Variants in PPM1B observed in about 807,000 individuals in gnomAD.
PPM1B encodes the protein protein phosphatase, Mg2+/Mn2+ dependent 1B.
PPM1B carries 22 observed loss-of-function variants against 43.0 expected under a neutral mutation model. The ratio of observed to expected loss-of-function variants is 0.51; its 90% confidence interval spans 0.37 to 0.73. The LOEUF is 0.73. PPM1B is among the 30% of genes least tolerant of loss of function. The pLI, the probability that PPM1B is intolerant of heterozygous loss-of-function variation, is 0.00. For missense variants in PPM1B, 632 were observed against 584.2 expected (o/e 1.08, Z -0.84); for synonymous variants, 217 against 197.9 (o/e 1.10, Z -0.81).
intron 1 of PPM1B, among the ~76,000 whole-genome samples, chr2:44,188,531 G>A (rs1431743764): frequency 6.6e-6 from 1 of 151,644 alleles, no homozygotes; most frequent in Admixed American, 6.6e-5. Context: ...GAATTGGCTG[G>A]GATCACAGGC....
chr2:44,230,083 T>A (rs143036937), intron 5 of PPM1B: 17 of 1,525,218 alleles, frequency 1.1e-5, no homozygotes, highest in Non-Finnish European at 1.3e-5. Context: ...CTAAATCATA[T>A]AGCCAAATAT....
downstream of PPM1B, among the ~76,000 whole-genome samples, chr2:44,238,466 C>A (rs1358457692): frequency 6.6e-6 from 1 of 152,042 alleles, no homozygotes; most frequent in Admixed American, 6.6e-5. Flanking sequence ...GTTTGGGAGG[C>A]CGAGGTGGGT....
At chr2:44,234,740 T>C (rs1365151210), downstream of PPM1B, 1 of 308,716 alleles carries the variant, frequency 3.2e-6, no homozygotes, top group Non-Finnish European at 4.7e-6. Flanking sequence ...CTTTTGTGGA[T>C]ACTATCGATA....
At chr2:44,232,983 T>C (rs1009137738), downstream of PPM1B, 128 of 980,548 alleles carry the variant, frequency 1.3e-4, no homozygotes, top group African/African-American at 2.2e-3. Context: ...CCCTTACAAA[T>C]TTTATGCATG....
intron 3 of PPM1B, among the ~76,000 whole-genome samples, chr2:44,213,068 A>T (rs1242940594): frequency 1.4e-5 from 2 of 146,940 alleles, no homozygotes; most frequent in South Asian, 2.1e-4. Context: ...TTTAGTGGTT[A>T]CCCTGAGAAA....
At chr2:44,200,077 G>A (rs1177084199) in intron 1 of PPM1B, among the ~76,000 whole-genome samples, 1 of 152,144 alleles carries the variant, frequency 6.6e-6, no homozygotes, top group East Asian at 1.9e-4. Context: ...CCTTAGGTGT[G>A]GGAATAGGGC....
chr2:44,173,943 G>A lies in PPM1B; in HGVS notation c.-15+4669G>A, dbSNP rs77092649. On this transcript the variant is annotated intron_variant, in intron 1 of 5. Coordinates refer to ENST00000282412, the MANE Select transcript of PPM1B (RefSeq NM_002706.6). ...GGGCGAAAGAGTGAGACCCTGTCTC[G>A]AAACAAAAATAATAATACTCTTTGT... Among the ~76,000 whole-genome samples the A allele has an allele frequency of 3.5e-3, 529 of 152,230 alleles. 2 individuals are homozygous for A. Among genetic ancestry groups the A allele is most frequent in the East Asian group, 9.5e-3 (49 of 5,182 alleles).
chr2:44,213,852 A>G (rs1669597089), intron 3 of PPM1B: 1 of 152,168 alleles, frequency 6.6e-6, no homozygotes, highest in Non-Finnish European at 1.5e-5. Context: ...ATATTTAATG[A>G]TAAATTGTAG....
intron 1 of PPM1B, among the ~76,000 whole-genome samples, chr2:44,188,746 C>G (rs994579958): frequency 2.0e-5 from 3 of 148,828 alleles, no homozygotes; most frequent in Non-Finnish European, 4.5e-5. Flanking sequence ...TTCTTTCCTT[C>G]CTTCCTTCCT....
intron 4 of PPM1B, 65 bp from the exon 5 acceptor site, chr2:44,218,415 G>A: frequency 8.2e-7 from 1 of 1,224,218 alleles, no homozygotes; most frequent in South Asian, 1.3e-5. Context: ...ATGAAATATT[G>A]AGATATTCAC....
At chr2:44,211,823 T>C (rs1381263195) in intron 3 of PPM1B, among the ~76,000 whole-genome samples, 1 of 148,112 alleles carries the variant, frequency 6.8e-6, no homozygotes, top group Admixed American at 6.9e-5. Context: ...GATCTTGGCT[T>C]ACCGCAGTCT....
At chr2:44,227,739 C>T (rs1200318227) in intron 5 of PPM1B, among the ~76,000 whole-genome samples, 1 of 151,198 alleles carries the variant, frequency 6.6e-6, no homozygotes, top group Non-Finnish European at 1.5e-5. Flanking sequence ...AGGCTGATCT[C>T]GAACTGCTGA....
chr2:44,225,077 A>G (rs1670152781), intron 5 of PPM1B, among the ~76,000 whole-genome samples: 2 of 152,156 alleles, frequency 1.3e-5, no homozygotes, highest in Admixed American at 6.5e-5. Flanking sequence ...AATAACTTAA[A>G]TCTCTCTGAG....
At chr2:44,230,266 TAAG>T in intron 5 of PPM1B, 144 bp from the exon 6 acceptor site, 1 of 1,465,472 alleles carries the variant, frequency 6.8e-7, no homozygotes, top group Non-Finnish European at 9.0e-7. Context: ...TTGATACAGG[TAAG>T]AATTGATATT....
intron 1 of PPM1B, among the ~76,000 whole-genome samples, chr2:44,170,091 A>G (rs1667255345): frequency 6.6e-6 from 1 of 152,254 alleles, no homozygotes; most frequent in African/African-American, 2.4e-5. Flanking sequence ...AGTGTTGGAA[A>G]TAGTTATTTC....
At chr2:44,189,661 C>T (rs773735001) in intron 1 of PPM1B, among the ~76,000 whole-genome samples, 43 of 152,092 alleles carry the variant, frequency 2.8e-4, no homozygotes, top group Admixed American at 5.2e-4. Flanking sequence ...GATGGGGTTT[C>T]GCCATGTTGG....
chr2:44,185,344 T>C (rs934492645), intron 1 of PPM1B, among the ~76,000 whole-genome samples: 14 of 152,178 alleles, frequency 9.2e-5, no homozygotes, highest in Non-Finnish European at 1.9e-4. Context: ...AATTTTCTGT[T>C]TTTGATATAG....
chr2:44,235,480 G>A (rs888400656), downstream of PPM1B, among the ~76,000 whole-genome samples: 8 of 151,698 alleles, frequency 5.3e-5, no homozygotes, highest in African/African-American at 7.3e-5. Flanking sequence ...GCGCATGCCC[G>A]TAATCCCAGC....
intron 1 of PPM1B, among the ~76,000 whole-genome samples, chr2:44,176,634 G>C (rs1392643598): frequency 6.6e-6 from 1 of 152,196 alleles, no homozygotes; most frequent in Non-Finnish European, 1.5e-5. Context: ...TACTGAACCA[G>C]TTTGGTAAAG....
Sources: allele counts gnomAD v4.1 joint callset (sites outside exome capture counted in the v4.1 genomes callset), GRCh38; gene constraint gnomAD v4.1.1; transcripts MANE v1.5; gene names NCBI Gene and HGNC (gene_info 2026-07-23, HGNC 2026-07-21).